The following SCART1 variants were observed in gnomAD, a reference collection of about 807,000 sequenced individuals.
The protein encoded by SCART1 is scavenger receptor family member expressed on T cells 1, also known as scavenger receptor cysteine-rich domain-containing protein SCART1.
In SCART1, 62 loss-of-function variants were observed where a neutral mutation model predicts 36.2. The ratio of observed to expected loss-of-function variants is 1.71; its 90% CI spans 1.40 to 2.12. The LOEUF (loss-of-function observed/expected upper bound fraction) is 2.12. Ranked by LOEUF, SCART1 falls within the 30% of genes most tolerant of loss-of-function variation. The probability of loss-of-function intolerance (pLI) is 0.00; values close to 1 mark genes in which losing one functional copy is unlikely to be tolerated. For synonymous variants in SCART1, 487 were observed against 238.7 expected, an observed-to-expected ratio of 2.04 and a Z score of -9.59; for missense variants, 1,041 against 540.5, an observed-to-expected ratio of 1.93 and a Z score of -9.18.
chr10:133,467,596 G>A (rs1287357511), intron 11 of SCART1, among the ~76,000 whole-genome samples: 4 of 152,142 alleles, frequency 2.6e-5, no homozygotes, highest in East Asian at 1.9e-4. Flanking sequence ...AGGGCTGGTC[G>A]GGTGTGCTGG....
At chr10:133,463,235 C>T (rs1850723402) in intron 6 of SCART1, among the ~76,000 whole-genome samples, 1 of 152,158 alleles carries the variant, frequency 6.6e-6, no homozygotes, top group Admixed American at 6.5e-5. Context: ...CAGACACACA[C>T]ACACACTTAA....
At chr10:133,454,291 T>C (rs1850582485) in intron 1 of SCART1, among the ~76,000 whole-genome samples, 1 of 152,052 alleles carries the variant, frequency 6.6e-6, no homozygotes, top group East Asian at 1.9e-4. Flanking sequence ...GAACCCAGGG[T>C]TCAGGGCTGG....
At chr10:133,459,594 C>A in exon 6 of SCART1, 1 of 672,922 alleles carries the variant, frequency 1.5e-6, no homozygotes, top group Non-Finnish European at 2.7e-6. Context: ...TGCCTGGGAC[C>A]TGCGCGGCGC....
chr10:133,466,057 C>T, intron 9 of SCART1, 178 bp from the exon 10 acceptor site: 1 of 636,018 alleles, frequency 1.6e-6, no homozygotes. Flanking sequence ...CCAGTGGACA[C>T]TAGCCATTTT....
intron 1 of SCART1, among the ~76,000 whole-genome samples, chr10:133,454,645 G>A (rs1305328594): frequency 6.6e-6 from 1 of 152,136 alleles, no homozygotes; most frequent in Non-Finnish European, 1.5e-5. Flanking sequence ...ACGTGGGCAT[G>A]GAGCCATGAT....
At chr10:133,467,231 C>G (rs558314516) in exon 11 of SCART1, 2 of 702,402 alleles carry the variant, frequency 2.8e-6, no homozygotes, top group African/African-American at 1.7e-5. Context: ...CCTGGAGAAG[C>G]CATCTATGAT....
At chr10:133,458,388 C>G in exon 4 of SCART1, 4 of 702,606 alleles carry the variant, frequency 5.7e-6, no homozygotes, top group Non-Finnish European at 1.0e-5. Flanking sequence ...TGGTGGGCGG[C>G]GAGCACCCCT....
At chr10:133,457,838 G>A in intron 3 of SCART1, 2 of 549,170 alleles carry the variant, frequency 3.6e-6, no homozygotes, top group African/African-American at 1.9e-5. Context: ...CTGCAAGTCT[G>A]AGCTGCCTCA....
intron 10 of SCART1, chr10:133,466,978 C>T (rs1009043830): frequency 4.5e-5 from 21 of 468,856 alleles, no homozygotes; most frequent in Non-Finnish European, 6.8e-5. Flanking sequence ...ACATTGGGGC[C>T]CACTGGGAAG....
chr10:133,459,094 C>T, exon 5 of SCART1: 2 of 702,652 alleles, frequency 2.8e-6, no homozygotes, highest in Non-Finnish European at 5.2e-6. Flanking sequence ...CCTGGGCACC[C>T]CTCTGTGCCA....
chr10:133,468,062 G>GAA (rs1850783505), exon 12 of SCART1: 4 of 594,936 alleles, frequency 6.7e-6, no homozygotes, highest in Non-Finnish European at 9.3e-6. Flanking sequence ...GAACACCTTG[G>GAA]ATGCCTTTCT....
At chr10:133,454,140 A>G in intron 1 of SCART1, 76 bp downstream of exon 1, 1 of 700,772 alleles carries the variant, frequency 1.4e-6, no homozygotes, top group Non-Finnish European at 2.6e-6. Flanking sequence ...CCGGGGCATG[A>G]GGGTCCCTGC....
intron 1 of SCART1, among the ~76,000 whole-genome samples, 196 bp from the exon 2 acceptor site, chr10:133,456,041 A>G (rs1850605621): frequency 6.6e-6 from 1 of 152,048 alleles, no homozygotes; most frequent in Non-Finnish European, 1.5e-5. Flanking sequence ...GGAGGGGAGT[A>G]GCCCCCGGGG....
intron 2 of SCART1, 46 bp downstream of exon 2, chr10:133,456,600 G>GGAC: frequency 1.6e-6 from 1 of 618,884 alleles, no homozygotes; most frequent in South Asian, 1.9e-5. Context: ...AGGAGGAGGA[G>GGAC]TGGGAGGACG....
exon 6 of SCART1, chr10:133,459,537 C>A: frequency 1.5e-6 from 1 of 681,072 alleles, no homozygotes; most frequent in Middle Eastern, 2.4e-4. Context: ...CTGTGACGGC[C>A]GCGTGGAGGT....
chr10:133,454,590 C>G (rs1249437586), intron 1 of SCART1, among the ~76,000 whole-genome samples: 4 of 151,922 alleles, frequency 2.6e-5, no homozygotes, highest in Non-Finnish European at 5.9e-5. Context: ...CTAGAAGGAA[C>G]AGCAGGAGAG....
chr10:133,458,496 G>A (rs1370630606), exon 4 of SCART1: 9 of 683,932 alleles, frequency 1.3e-5, no homozygotes, highest in East Asian at 2.7e-5. Context: ...AGTGTGGGGC[G>A]GTCGTGTCCA....
exon 2 of SCART1, chr10:133,456,313 A>G (rs908228919): frequency 1.0e-5 from 7 of 702,944 alleles, no homozygotes; most frequent in Non-Finnish European, 1.3e-5. Context: ...ACCACGGGGC[A>G]TGGGGATACG....
At chr10:133,459,264 C>A in exon 5 of SCART1, 1 of 672,490 alleles carries the variant, frequency 1.5e-6, no homozygotes, top group Non-Finnish European at 2.7e-6. Context: ...TGGAATTGCC[C>A]AGTAAGCACC....
Sources: allele counts gnomAD v4.1 joint callset (sites outside exome capture counted in the v4.1 genomes callset), GRCh38; gene constraint gnomAD v4.1.1; transcripts MANE v1.5; gene names NCBI Gene and HGNC (gene_info 2026-07-23, HGNC 2026-07-21).